The following ROR2 variants were observed in gnomAD, a reference collection of about 807,000 sequenced individuals.
ROR2 encodes the protein tyrosine-protein kinase transmembrane receptor ROR2.
In ROR2, 33 loss-of-function variants were observed where a neutral mutation model predicts 74.9. The ratio of observed to expected loss-of-function variants is 0.44; its 90% confidence interval spans 0.33 to 0.59. The LOEUF (loss-of-function observed/expected upper bound fraction) is 0.59. Among genes scored for constraint, ROR2 ranks in the 20% least tolerant of loss-of-function variants. The probability of loss-of-function intolerance (pLI) is 0.02; values close to 1 mark genes in which losing one functional copy is unlikely to be tolerated. For synonymous variants in ROR2, 586 were observed against 558.7 expected (o/e 1.05, Z -0.69); for missense variants, 1,216 against 1,313.8 (o/e 0.93, Z 1.15).
At chr9:91,875,939 A>C (rs151016431) in intron 1 of ROR2, among the ~76,000 whole-genome samples, 230 of 152,266 alleles carry the variant, frequency 1.5e-3, no homozygotes, top group African/African-American at 5.4e-3. Flanking sequence ...TTGAGTGTGA[A>C]TGTATAGATG....
intron 1 of ROR2, among the ~76,000 whole-genome samples, chr9:91,847,501 C>G (rs757982295): frequency 6.6e-6 from 1 of 152,206 alleles, no homozygotes; most frequent in Non-Finnish European, 1.5e-5. Context: ...TGCAGTCCCC[C>G]CACTTCCCAC....
At chr9:91,840,705 G>A (rs1828756571) in intron 1 of ROR2, among the ~76,000 whole-genome samples, 1 of 152,238 alleles carries the variant, frequency 6.6e-6, no homozygotes, top group Non-Finnish European at 1.5e-5. Context: ...AGGTGAGGCG[G>A]TGATGGCCAG....
Position 91,842,497 on chromosome 9 carries a change from G to A in ROR2, c.98-66679C>T, listed in dbSNP as rs1828812684. ...CCCTTGGGGGCCGTGTCCTCACCCC[G>A]TGCGTTAGTGTCTCATGCCAGAGGC... On this transcript the variant is annotated intron_variant, in intron 1 of 8. Coordinates refer to ENST00000375708, the MANE Select transcript of ROR2 (RefSeq NM_004560.4). 2.0e-5 allele frequency among the ~76,000 whole-genome samples: 3 copies of A among 152,288 alleles called. No individual in the cohort carries two copies. In the South Asian group the frequency reaches 6.2e-4, roughly 32 times the overall value.
At chr9:91,743,246 T>G (rs114617901) in intron 4 of ROR2, among the ~76,000 whole-genome samples, 1 of 152,042 alleles carries the variant, frequency 6.6e-6, no homozygotes, top group African/African-American at 2.4e-5. Flanking sequence ...GACTGACAAC[T>G]CTGATACAAA....
intron 1 of ROR2, among the ~76,000 whole-genome samples, chr9:91,778,568 G>A (rs1038366889): frequency 5.3e-5 from 8 of 152,182 alleles, no homozygotes; most frequent in African/African-American, 1.9e-4. Flanking sequence ...GTGGCCTTCT[G>A]GACCATCAGA....
chr9:91,893,259 G>A (rs984145719), intron 1 of ROR2, among the ~76,000 whole-genome samples: 10 of 152,150 alleles, frequency 6.6e-5, no homozygotes, highest in Admixed American at 1.3e-4. Flanking sequence ...CACTTTGGGA[G>A]GCCAAGACAG....
chr9:91,754,451 G>A lies in ROR2; in HGVS notation c.494+1620C>T, dbSNP rs544789650. ...GTGGACGGATCACTTGAGGTCAGGA[G>A]TTCGAGACCAGTCTGGCCAACATGG... On this transcript the variant is annotated intron_variant, in intron 4 of 8. Transcript: ENST00000375708. Among the ~76,000 whole-genome samples, 11 of 152,162 alleles carry A rather than the reference G, an allele frequency of 7.2e-5. No homozygotes were observed. In the South Asian group the frequency reaches 2.1e-3, roughly 29 times the overall value.
chr9:91,889,894 CT>C (rs1830383201), intron 1 of ROR2, among the ~76,000 whole-genome samples: 1 of 152,210 alleles, frequency 6.6e-6, no homozygotes. Context: ...CAGAATAATC[CT>C]GGCTTCGGCC....
chr9:91,802,361 C>T (rs546864274), intron 1 of ROR2, among the ~76,000 whole-genome samples: 39 of 152,216 alleles, frequency 2.6e-4, no homozygotes, highest in African/African-American at 9.4e-4. Context: ...CAGGCGTGAG[C>T]CACCGCGCCT....
intron 1 of ROR2, among the ~76,000 whole-genome samples, chr9:91,919,265 T>C (rs1831210679): frequency 6.6e-6 from 1 of 152,208 alleles, no homozygotes; most frequent in Non-Finnish European, 1.5e-5. Context: ...TTTTAAACAG[T>C]TGATGCTCAG....
chr9:91,916,722 G>T (rs1831145116), intron 1 of ROR2, among the ~76,000 whole-genome samples: 1 of 151,974 alleles, frequency 6.6e-6, no homozygotes, highest in Non-Finnish European at 1.5e-5. Context: ...TTCATATATG[G>T]ACTTTTTTCC....
At chr9:91,725,823 G>A (rs961586473) in intron 8 of ROR2, among the ~76,000 whole-genome samples, 6 of 152,080 alleles carry the variant, frequency 3.9e-5, no homozygotes, top group African/African-American at 9.7e-5. Context: ...GCAAGCCCCG[G>A]GGCTCTGTGC....
chr9:91,851,384 G>GA (rs1382487051), intron 1 of ROR2, among the ~76,000 whole-genome samples: 3 of 150,856 alleles, frequency 2.0e-5, no homozygotes, highest in East Asian at 1.9e-4. Flanking sequence ...AAAAGAAAAA[G>GA]AAAAAAAATT....
intron 1 of ROR2, among the ~76,000 whole-genome samples, chr9:91,876,215 A>T (rs1046795514): frequency 2.6e-5 from 4 of 152,096 alleles, no homozygotes; most frequent in African/African-American, 4.8e-5. Context: ...TCTACTAAAA[A>T]TGCAAAAATT....
chr9:91,894,295 A>C (rs1830487822), intron 1 of ROR2, among the ~76,000 whole-genome samples: 1 of 152,208 alleles, frequency 6.6e-6, no homozygotes, highest in Non-Finnish European at 1.5e-5. Flanking sequence ...CTTCGTTTGC[A>C]CAAGGGGCCT....
rs181806179 is a variant in ROR2 at position 91,772,105 on chromosome 9, G to A, written c.175+3636C>T. On this transcript the variant is annotated intron_variant, in intron 2 of 8. Transcript: ENST00000375708. ...TCTATTACTAATCATATAAGGAAGG[G>A]GCCAGGAGTAGAAGGACGGGTGGAG... is the stretch of plus-strand genomic sequence containing the variant. Among the ~76,000 whole-genome samples, 6 of 152,348 alleles carry A rather than the reference G, an allele frequency of 3.9e-5. No individual in the cohort carries two copies. In the East Asian group the frequency reaches 1.2e-3, roughly 29 times the overall value.
intron 1 of ROR2, among the ~76,000 whole-genome samples, chr9:91,917,408 A>G (rs1187813383): frequency 1.3e-5 from 2 of 152,222 alleles, no homozygotes; most frequent in African/African-American, 4.8e-5. Context: ...CCATGTCACA[A>G]AAAAGGACCC....
At chr9:91,862,645 G>A (rs143556387) in intron 1 of ROR2, among the ~76,000 whole-genome samples, 180 of 152,160 alleles carry the variant, frequency 1.2e-3, no homozygotes, top group African/African-American at 4.2e-3. Flanking sequence ...CTGGGCAACA[G>A]AGTGAGTCCC....
chr9:91,775,839 T>C (rs1483528474), intron 1 of ROR2, 21 bp from the exon 2 acceptor site: 3 of 1,610,242 alleles, frequency 1.9e-6, no homozygotes, highest in African/African-American at 1.3e-5. Flanking sequence ...GAAACCAGGA[T>C]AGGTATTAAA....
Sources: gnomAD v4.1 joint callset for allele counts (sites outside exome capture counted in the v4.1 genomes callset) on GRCh38, gnomAD v4.1.1 for gene constraint, MANE v1.5 for transcripts, NCBI Gene and HGNC (gene_info 2026-07-23, HGNC 2026-07-21) for gene names.